Variants in TDRD6 observed in about 807,000 individuals in gnomAD.
TDRD6 encodes the protein tudor domain-containing protein 6.
In TDRD6, 186 loss-of-function variants were observed where a neutral mutation model predicts 157.5. The observed-to-expected ratio is 1.18, with a 90% CI of 1.05 to 1.33. The LOEUF is 1.33. TDRD6 is among the 40% of genes most tolerant of loss of function. The pLI, the probability that TDRD6 is intolerant of heterozygous loss-of-function variation, is 0.00. For synonymous variants in TDRD6, 1,075 were observed against 945.2 expected (o/e 1.14, Z -2.52); for missense variants, 3,066 against 2,508.0 (o/e 1.22, Z -4.75).
At chr6:46,683,468 A>G (rs1391898867), upstream of TDRD6, among the ~76,000 whole-genome samples, 1 of 151,964 alleles carries the variant, frequency 6.6e-6, no homozygotes, top group Non-Finnish European at 1.5e-5. Context: ...CCATTTAGAA[A>G]AGAAAAATAT....
chr6:46,692,595 C>T lies in TDRD6; in HGVS notation c.4467C>T (p.Thr1489=). 1 of 1,613,406 alleles carries T rather than the reference C, an allele frequency of 6.2e-7. No homozygotes were observed. The highest frequency in any genetic ancestry group is 8.5e-7 in the Non-Finnish European group (1 of 1,179,772). Residue 1489 remains threonine, a synonymous_variant, in exon 1 of 4, where the codon ACC becomes ACT. Transcript: ENST00000316081. The stretch of plus-strand genomic sequence containing the variant: ...AAAAATCTCAAGTAGAACTTTCTAC[C>T]CAAGTAATTAAAAGTGCCAGTTCAA... ...LSEKSQVELS[T]QVIKSASSKS... is the part of the protein sequence containing the mutation.
In TDRD6 at chr6:46,689,874, C is replaced by T. The variant is rs143534526; in HGVS notation, c.1746C>T (p.Asp582=). ...RGNSENVDWY[D]VRMLLPQFRQ... ...ATTCGGAAAATGTGGACTGGTATGA[C>T]GTAAGGATGCTGCTTCCTCAGTTTA... Residue 582 remains aspartate, a synonymous_variant, in exon 1 of 4, where the codon GAC becomes GAT. Transcript: ENST00000316081. 60 of 1,614,156 alleles carry T rather than the reference C, an allele frequency of 3.7e-5. No individual in the cohort carries two copies. The African/African-American group carries it at 5.5e-4, about 15-fold the overall frequency.
Position 46,704,315 on chromosome 6 carries a change from A to G in TDRD6, c.*2428A>G. 2.4e-6 allele frequency: 1 copy of G among 420,384 alleles called. No individual in the cohort carries two copies. 26.0% of individuals were successfully genotyped at this position (420,384 alleles called of 1,614,324 possible). A position where few individuals can be genotyped will look rare whatever the true frequency, so the allele number is the denominator to read the frequency against. ...CTTTAAAATTAAAATTTAGGCTGAT[A>G]TGAATATTGTATACTGTATTCTTTC... On this transcript the variant is annotated 3_prime_UTR_variant, in exon 4 of 4. Transcript: ENST00000316081.
chr6:46,689,420 T>C lies in TDRD6; in HGVS notation c.1292T>C (p.Leu431Pro), dbSNP rs772506120. The C allele has an allele frequency of 8.1e-6, 13 of 1,613,538 alleles. No homozygotes were observed. The highest frequency in any genetic ancestry group is 1.1e-5 in the Non-Finnish European group (13 of 1,180,014). Reference sequence around the variant, plus strand: ...CTGTATGGAGAAGATGGGATTAATCTGAACCGTGTGTTTGGAGTACAGTCG... The same window carrying C: ...CTGTATGGAGAAGATGGGATTAATCCGAACCGTGTGTTTGGAGTACAGTCG... ...VSLYGEDGIN[L>P]NRVFGVQSCC... The change falls in exon 1 of 4, where the codon CTG becomes CCG. Residue 431 changes from leucine to proline, a missense_variant. Transcript: ENST00000316081.
Position 46,687,995 on chromosome 6 carries a change from C to A in TDRD6, c.-134C>A, listed in dbSNP as rs976125562. 52 of 1,323,452 alleles carry A rather than the reference C, an allele frequency of 3.9e-5. No individual in the cohort carries two copies. The highest frequency in any genetic ancestry group is 3.9e-4 in the African/African-American group (25 of 64,108). 82.0% of individuals were successfully genotyped at this position (1,323,452 alleles called of 1,614,324 possible). A position where few individuals can be genotyped will look rare whatever the true frequency, so the allele number is the denominator to read the frequency against. Reference sequence around the variant, plus strand: ...GGGAGTTGCCGAGAAAAGGCCTCGCCGGCATTCTTCCCCTCCACTGGGTCC... The same window carrying A: ...GGGAGTTGCCGAGAAAAGGCCTCGCAGGCATTCTTCCCCTCCACTGGGTCC... On this transcript the variant is annotated 5_prime_UTR_variant, in exon 1 of 4. Transcript: ENST00000316081.
At position 46,689,456 on chromosome 6, in the gene TDRD6, C is replaced by G; in HGVS notation, c.1328C>G (p.Ala443Gly). 1 of 1,613,336 alleles carries G rather than the reference C, an allele frequency of 6.2e-7. No individual in the cohort carries two copies. The highest frequency in any genetic ancestry group is 1.1e-5 in the South Asian group (1 of 91,078). The change falls in exon 1 of 4, where the codon GCT becomes GGT. Residue 443 changes from alanine (A) to glycine (G), a missense_variant. By Grantham distance (60) the Ala-to-Gly change is moderately conservative. Coordinates refer to ENST00000316081, the MANE Select transcript of TDRD6 (RefSeq NM_001010870.3). ...RVFGVQSCCL[A>G]DRVLQSQATE... ...TTTGGAGTACAGTCGTGTTGCTTGG[C>G]TGACCGAGTCCTTCAGAGCCAGGCA...
Position 46,692,327 on chromosome 6 carries a change from A to G in TDRD6, c.4199A>G (p.Lys1400Arg). The change falls in exon 1 of 4, where the codon AAA (lysine) becomes AGA (arginine). Residue 1400 changes from lysine to arginine, a missense_variant. Lys to Arg is a conservative substitution (Grantham distance 26). Transcript: ENST00000316081. Reference sequence around the variant, plus strand: ...AATGTTTCTGTGGTTCATACTAACAAAATAGGTAGGCTTGACCTTGTTAAT... The same window carrying G: ...AATGTTTCTGTGGTTCATACTAACAGAATAGGTAGGCTTGACCTTGTTAAT... ...YGNVSVVHTNKIGRLDLVNAI... is the reference protein window; with the variant it reads ...YGNVSVVHTNRIGRLDLVNAI... The G allele has an allele frequency of 6.2e-7, 1 of 1,614,200 alleles. No individual in the cohort carries two copies. Among genetic ancestry groups the G allele is most frequent in the Non-Finnish European group, 8.5e-7 (1 of 1,180,010 alleles).
chr6:46,689,491 G>C lies in TDRD6; in HGVS notation c.1363G>C (p.Glu455Gln). Reference protein sequence around the residue: ...RVLQSQATEEEEPETSQSQSP... With the variant: ...RVLQSQATEEQEPETSQSQSP... ...CCTTCAGAGCCAGGCAACAGAGGAGGAGGAACCAGAAACATCTCAGTCTCA... is the reference window on the plus strand; with the variant it reads ...CCTTCAGAGCCAGGCAACAGAGGAGCAGGAACCAGAAACATCTCAGTCTCA... The change falls in exon 1 of 4, where the codon GAG (glutamate) becomes CAG (glutamine). Residue 455 changes from glutamate to glutamine, a missense_variant. Physicochemically the swap from Glu to Gln is conservative, Grantham distance 29 (BLOSUM62 2). Coordinates refer to ENST00000316081, the MANE Select transcript of TDRD6 (RefSeq NM_001010870.3). 6.2e-7 allele frequency: 1 copy of C among 1,613,852 alleles called. No individual in the cohort carries two copies. Among genetic ancestry groups the C allele is most frequent in the Admixed American group, 1.7e-5 (1 of 60,028 alleles).
Position 46,693,449 on chromosome 6 carries a change from A to T in TDRD6, c.5321A>T (p.Asp1774Val), listed in dbSNP as rs1055918821. The T allele has an allele frequency of 6.2e-7, 1 of 1,614,100 alleles. No homozygotes were observed. The highest frequency in any genetic ancestry group is 1.1e-5 in the South Asian group (1 of 91,068). The stretch of plus-strand genomic sequence containing the variant: ...AGTAACTTCCGTGACCCTAAAACTG[A>T]TAACATTTGTGAAGGGTTTGAAAAC... ...KPSNFRDPKT[D>V]NICEGFENPC... Residue 1774 changes from aspartate to valine, a missense_variant, in exon 1 of 4, where the codon GAT becomes GTT. By Grantham distance (152) the Asp-to-Val change is radical. Transcript: ENST00000316081.
chr6:46,689,390 T>C lies in TDRD6; in HGVS notation c.1262T>C (p.Val421Ala), dbSNP rs375684816. The C allele has an allele frequency of 1.3e-4, 208 of 1,613,804 alleles. No homozygotes were observed. Among genetic ancestry groups the C allele is most frequent in the Non-Finnish European group, 1.7e-4 (201 of 1,180,044 alleles). ...TGCTCCTTTGAGCATGTGTATTATG[T>C]CAGCCTGTATGGAGAAGATGGGATT... is the stretch of plus-strand genomic sequence containing the variant. ...FYCSFEHVYY[V>A]SLYGEDGINL... Residue 421 changes from valine (V) to alanine (A), a missense_variant, in exon 1 of 4, where the codon GTC becomes GCC. Val to Ala is a moderately conservative substitution (Grantham distance 64). Transcript: ENST00000316081.
chr6:46,688,107 G>GGGGCC lies in TDRD6; in HGVS notation c.-20_-16dup. ...GCGCGGCCCTTAATTTCCGGAAGTGGGGGCCGCGCCGCGCCGTCAAGATGT... is the reference window on the plus strand; with the variant it reads ...GCGCGGCCCTTAATTTCCGGAAGTGGGGGCCGGGCCGCGCCGCGCCGTCAAGATGT... On this transcript the variant is annotated 5_prime_UTR_variant, in exon 1 of 4. Transcript: ENST00000316081. The GGGGCC allele has an allele frequency of 6.8e-7, 1 of 1,463,134 alleles. No individual in the cohort carries two copies. The highest frequency in any genetic ancestry group is 8.9e-7 in the Non-Finnish European group (1 of 1,118,574). 90.6% of individuals were successfully genotyped at this position (1,463,134 alleles called of 1,614,324 possible).
rs1470533003 is a variant in TDRD6 at position 46,688,112 on chromosome 6, C to T, written c.-17C>T. On this transcript the variant is annotated 5_prime_UTR_variant, in exon 1 of 4. Transcript: ENST00000316081. ...GCCCTTAATTTCCGGAAGTGGGGGCCGCGCCGCGCCGTCAAGATGTGCTCG... is the reference window on the plus strand; with the variant it reads ...GCCCTTAATTTCCGGAAGTGGGGGCTGCGCCGCGCCGTCAAGATGTGCTCG... 2 of 1,475,368 alleles carry T rather than the reference C, an allele frequency of 1.4e-6. No individual in the cohort carries two copies. The highest frequency in any genetic ancestry group is 1.5e-5 in the African/African-American group (1 of 67,658). 91.4% of individuals were successfully genotyped at this position (1,475,368 alleles called of 1,614,324 possible).
intron 2 of TDRD6, among the ~76,000 whole-genome samples, chr6:46,696,601 ATTT>A (rs1157915506): frequency 3.5e-4 from 4 of 11,538 alleles, no homozygotes; most frequent in African/African-American, 3.4e-4. Flanking sequence ...ATATATATAT[ATTT>A]TTTTTTTTTT....
rs1239102473 is a variant in TDRD6 at position 46,689,144 on chromosome 6, G to A, written c.1016G>A (p.Arg339His). Reference sequence around the variant, plus strand: ...TTGCTTGAGACTTTTCGGCCCCAGCGCTGTGCCCAGGTGCTTCATGTGGAC... The same window carrying A: ...TTGCTTGAGACTTTTCGGCCCCAGCACTGTGCCCAGGTGCTTCATGTGGAC... ...ALLLETFRPQ[R>H]CAQVLHVDYG... is the part of the protein sequence containing the mutation. The change falls in exon 1 of 4, where the codon CGC (arginine) becomes CAC (histidine). Residue 339 changes from arginine to histidine, a missense_variant. Transcript: ENST00000316081. 2 of 1,614,190 alleles carry A rather than the reference G, an allele frequency of 1.2e-6. No individual in the cohort carries two copies. Among genetic ancestry groups the A allele is most frequent in the Non-Finnish European group, 1.7e-6 (2 of 1,180,034 alleles).
At chr6:46,695,417 C>G (rs898731086) in intron 1 of TDRD6, among the ~76,000 whole-genome samples, 1 of 152,040 alleles carries the variant, frequency 6.6e-6, no homozygotes, top group African/African-American at 2.4e-5. Context: ...ATATTTATTC[C>G]TCATTGTCAT....
At position 46,693,055 on chromosome 6, in the gene TDRD6, G is replaced by C; in HGVS notation, c.4927G>C (p.Glu1643Gln). The C allele has an allele frequency of 1.2e-6, 2 of 1,613,828 alleles. No homozygotes were observed. Among genetic ancestry groups the C allele is most frequent in the Non-Finnish European group, 1.7e-6 (2 of 1,179,936 alleles). Residue 1643 changes from glutamate (E) to glutamine (Q), a missense_variant, in exon 1 of 4, where the codon GAA becomes CAA. Glu to Gln is a conservative substitution (Grantham distance 29, BLOSUM62 2). Transcript: ENST00000316081. ...TTGCCTCTCAGGGTTTAACATTTCA[G>C]AAGGATTATGTTCTCAAGAGGGAAA... ...PCCLSGFNIS[E>Q]GLCSQEGNDY...
chr6:46,695,317 C>A (rs1764462078), intron 1 of TDRD6, among the ~76,000 whole-genome samples: 1 of 152,068 alleles, frequency 6.6e-6, no homozygotes, highest in Admixed American at 6.5e-5. Flanking sequence ...GCATTTTAGT[C>A]CCTTAAAAAT....
chr6:46,689,934 G>C lies in TDRD6; in HGVS notation c.1806G>C (p.Leu602=), dbSNP rs756542691. Residue 602 remains leucine (L), a synonymous_variant, in exon 1 of 4, where the codon CTG becomes CTC. Coordinates refer to ENST00000316081, the MANE Select transcript of TDRD6 (RefSeq NM_001010870.3). ...CAATATTGGCTGTGAAGTGCACCCTGGCTGATATTTGGCCTTTGGGAAAAA... is the reference window on the plus strand; with the variant it reads ...CAATATTGGCTGTGAAGTGCACCCTCGCTGATATTTGGCCTTTGGGAAAAA... ...QLPILAVKCT[L]ADIWPLGKTW... is the part of the protein sequence containing the mutation. 5.0e-6 allele frequency: 8 copies of C among 1,614,148 alleles called. No homozygotes were observed. The Admixed American group carries it at 8.3e-5, about 17-fold the overall frequency.
Position 46,688,510 on chromosome 6 carries a change from G to A in TDRD6, c.382G>A (p.Gly128Ser), listed in dbSNP as rs747520846. Residue 128 changes from glycine to serine, a missense_variant, in exon 1 of 4, where the codon GGC becomes AGC. Transcript: ENST00000316081. ...EFFNLPSEVLGCVLAGLVPAG... is the reference protein window; with the variant it reads ...EFFNLPSEVLSCVLAGLVPAG... ...CTTCAATTTGCCCTCGGAAGTGCTG[G>A]GCTGCGTGCTAGCGGGCCTGGTGCC... The A allele has an allele frequency of 7.0e-6, 11 of 1,563,970 alleles. No individual in the cohort carries two copies. The highest frequency in any genetic ancestry group is 9.5e-6 in the Non-Finnish European group (11 of 1,157,868).
Sources: gnomAD v4.1 joint callset for allele counts (sites outside exome capture counted in the v4.1 genomes callset) on GRCh38, gnomAD v4.1.1 for gene constraint, MANE v1.5 for transcripts, NCBI Gene and HGNC (gene_info 2026-07-23, HGNC 2026-07-21) for gene names.